PRDM16: variants seen among roughly 807,000 people sequenced by gnomAD.
The protein encoded by PRDM16 is histone-lysine N-methyltransferase PRDM16.
Under a neutral mutation model 110.6 loss-of-function variants are expected in PRDM16, and 23 were observed. The observed-to-expected ratio is 0.21, with a 90% CI of 0.15 to 0.29. The LOEUF is 0.29. Ranked by LOEUF, PRDM16 falls within the 10% of genes least tolerant of loss-of-function variation. The pLI is 1.00. For missense variants in PRDM16, 1,615 were observed against 1,794.3 expected (o/e 0.90, Z 1.81); for synonymous variants, 799 against 781.8 (o/e 1.02, Z -0.37).
chr1:3,108,910 A>G (rs1642724069), intron 1 of PRDM16, among the ~76,000 whole-genome samples: 1 of 151,830 alleles, frequency 6.6e-6, no homozygotes, highest in Non-Finnish European at 1.5e-5. Flanking sequence ...TACTAAAAAA[A>G]AAAAAATACA....
chr1:3,385,068 C>T (rs1643172589), intron 3 of PRDM16, 84 bp from the exon 4 acceptor site: 1 of 1,546,108 alleles, frequency 6.5e-7, no homozygotes, highest in Admixed American at 1.7e-5. Context: ...GCCCAAACAG[C>T]CAGGTTTCTG....
chr1:3,421,716 T>G (rs1034328784), intron 12 of PRDM16, among the ~76,000 whole-genome samples: 1 of 152,226 alleles, frequency 6.6e-6, no homozygotes, highest in Non-Finnish European at 1.5e-5. Context: ...TGAACAAGCT[T>G]CTTTTCCAAT....
intron 3 of PRDM16, among the ~76,000 whole-genome samples, chr1:3,357,185 C>T (rs1030003067): frequency 6.6e-6 from 1 of 152,164 alleles, no homozygotes; most frequent in African/African-American, 2.4e-5. Flanking sequence ...GCAGCCAGTC[C>T]ACCTGCGGGC....
chr1:3,350,322 T>C lies in PRDM16; in HGVS notation c.439-34830T>C, dbSNP rs1642457570. 6.6e-6 allele frequency among the ~76,000 whole-genome samples: 1 copy of C among 151,912 alleles called. No homozygotes were observed. The highest frequency in any genetic ancestry group is 1.5e-5 in the Non-Finnish European group (1 of 67,978). On this transcript the variant is annotated intron_variant, in intron 3 of 16. Transcript: ENST00000270722. This position sits in a 1 kb window ranked among gnomAD's most constrained non-coding sequence, Gnocchi z 7.1. ...GCCTGGGCGAGAGAGTGAGACCCTG[T>C]CTCAAAAAAATGAAAAGAAAAGATC...
intron 1 of PRDM16, among the ~76,000 whole-genome samples, chr1:3,166,553 T>C (rs1340919223): frequency 6.6e-6 from 1 of 152,222 alleles, no homozygotes. Flanking sequence ...CACATTTCAC[T>C]GGCCTCAAAA....
chr1:3,253,286 C>T (rs1639978720), intron 3 of PRDM16, among the ~76,000 whole-genome samples: 1 of 151,188 alleles, frequency 6.6e-6, no homozygotes, highest in Admixed American at 6.6e-5. Flanking sequence ...ATACATGTGC[C>T]ATGCTGGTGT....
chr1:3,120,893 G>A (rs759354008), intron 1 of PRDM16, among the ~76,000 whole-genome samples: 35 of 152,296 alleles, frequency 2.3e-4, no homozygotes, highest in Non-Finnish European at 4.1e-4. Context: ...TGTTCTCTCC[G>A]GGATCTGCCA....
chr1:3,378,361 A>T (rs1643032134), intron 3 of PRDM16, among the ~76,000 whole-genome samples: 1 of 152,100 alleles, frequency 6.6e-6, no homozygotes, highest in South Asian at 2.1e-4. Context: ...GGAAGCAGGG[A>T]CCGGGACCTG....
At chr1:3,338,438 A>G (rs1318247553) in intron 3 of PRDM16, among the ~76,000 whole-genome samples, 1 of 152,256 alleles carries the variant, frequency 6.6e-6, no homozygotes, top group Non-Finnish European at 1.5e-5. Flanking sequence ...CTGAGCAGTG[A>G]ACCAAGAAGC....
intron 5 of PRDM16, among the ~76,000 whole-genome samples, chr1:3,398,768 C>T (rs571257203): frequency 1.3e-5 from 2 of 152,334 alleles, no homozygotes; most frequent in East Asian, 1.9e-4. Context: ...GCTTAGTTGG[C>T]GTAGGTGACA....
At chr1:3,171,393 G>A (rs566121410) in intron 1 of PRDM16, among the ~76,000 whole-genome samples, 388 of 152,332 alleles carry the variant, frequency 2.5e-3, no homozygotes, top group Non-Finnish European at 3.7e-3. Flanking sequence ...CCCTGGCTGA[G>A]TGCACTTTGT....
In PRDM16 at chr1:3,412,662, C is replaced by T; in HGVS notation, c.2465C>T (p.Pro822Leu). The T allele has an allele frequency of 6.6e-7, 1 of 1,525,988 alleles. No individual in the cohort carries two copies. The highest frequency in any genetic ancestry group is 8.8e-7 in the Non-Finnish European group (1 of 1,136,596). The allele number at this position is 1,525,988 out of a possible 1,614,324, so 94.5% of individuals were successfully genotyped here. A position where few individuals can be genotyped will look rare whatever the true frequency, so the allele number is the denominator to read the frequency against. The change falls in exon 9 of 17, where the codon CCC becomes CTC. Residue 822 changes from proline to leucine, a missense_variant. Transcript: ENST00000270722. Reference protein sequence around the residue: ...RASQNGGGREPRKNHVYGERK... With the variant: ...RASQNGGGRELRKNHVYGERK... Reference sequence around the variant, plus strand: ...AGCCAAAACGGCGGCGGGCGGGAGCCCCGCAAGAACCACGTCTATGGGGAA... The same window carrying T: ...AGCCAAAACGGCGGCGGGCGGGAGCTCCGCAAGAACCACGTCTATGGGGAA...
At chr1:3,338,018 C>G (rs574149311) in intron 3 of PRDM16, among the ~76,000 whole-genome samples, 2 of 152,352 alleles carry the variant, frequency 1.3e-5, no homozygotes, top group East Asian at 3.9e-4. Flanking sequence ...TGAATACACA[C>G]AGACACATGT....
intron 2 of PRDM16, among the ~76,000 whole-genome samples, chr1:3,231,914 C>T (rs537143972): frequency 2.6e-5 from 4 of 152,368 alleles, no homozygotes; most frequent in East Asian, 1.9e-4. Flanking sequence ...GTTGCATGGA[C>T]GTTGCAAGAC....
chr1:3,428,196 C>T (rs181292382), intron 14 of PRDM16, among the ~76,000 whole-genome samples: 148 of 148,462 alleles, frequency 1.0e-3, no homozygotes, highest in African/African-American at 3.5e-3. Context: ...CCCACCAGGA[C>T]CCCGAGCTAG....
rs769682532 is a variant in PRDM16, at chr1:3,339,272, T to C, written c.439-45880T>C. On this transcript the variant is annotated intron_variant, in intron 3 of 16. Coordinates refer to ENST00000270722, the MANE Select transcript of PRDM16 (RefSeq NM_022114.4). This position sits in a 1 kb window ranked among gnomAD's most constrained non-coding sequence, Gnocchi z 5.0. ...AGCTCACCCACCCACCACAGTACCATCAAAGACAGACGTCCTGCTTGTCTC... is the reference window on the plus strand; with the variant it reads ...AGCTCACCCACCCACCACAGTACCACCAAAGACAGACGTCCTGCTTGTCTC... 4.6e-5 allele frequency among the ~76,000 whole-genome samples: 7 copies of C among 151,746 alleles called. No homozygotes were observed. The highest frequency in any genetic ancestry group is 8.8e-5 in the Non-Finnish European group (6 of 67,928).
At chr1:3,396,338 A>G (rs1372781653) in intron 4 of PRDM16, 153 bp from the exon 5 acceptor site, 5 of 700,798 alleles carry the variant, frequency 7.1e-6, no homozygotes, top group Admixed American at 2.0e-5. Flanking sequence ...ATACTCTGCA[A>G]AAGTTCCATA....
rs1024303080 is a variant in PRDM16 at position 3,081,354 on chromosome 1, T to C, written c.37+12058T>C. Among the ~76,000 whole-genome samples the C allele has an allele frequency of 1.3e-5, 2 of 152,160 alleles. No individual in the cohort carries two copies. The highest frequency in any genetic ancestry group is 2.9e-5 in the Non-Finnish European group (2 of 68,018). ...GTCCGCTCCTGACAGGTGACCCTTG[T>C]TCAAAGGGAACGAGGGGCTGGTGGC... On this transcript the variant is annotated intron_variant, in intron 1 of 16. Coordinates refer to ENST00000270722, the MANE Select transcript of PRDM16 (RefSeq NM_022114.4). The surrounding 1 kb of genome is among the most constrained non-coding windows in gnomAD (Gnocchi z 4.6).
chr1:3,125,731 A>T (rs1261799346), intron 1 of PRDM16, among the ~76,000 whole-genome samples: 2 of 152,212 alleles, frequency 1.3e-5, no homozygotes, highest in African/African-American at 2.4e-5. Flanking sequence ...GGCCATTTGT[A>T]ACGAGTTTGG....
Sources: gnomAD v4.1 joint callset for allele counts (sites outside exome capture counted in the v4.1 genomes callset) on GRCh38, gnomAD v4.1.1 for gene constraint, Gnocchi (gnomAD v3.1) non-coding constraint, MANE v1.5 for transcripts, NCBI Gene and HGNC (gene_info 2026-07-23, HGNC 2026-07-21) for gene names.